Variants in CLXN observed in about 807,000 individuals in gnomAD.
CLXN encodes calaxin.
At chr8:48,728,494 T>C in the CLXN span, among the ~76,000 whole-genome samples, 5,662 of 152,218 alleles carry the variant, frequency 0.037, 339 homozygotes, top group African/African-American at 0.13. Context: ...TCTATGACTC[T>C]GGCACCAGGG....
the CLXN span, among the ~76,000 whole-genome samples, chr8:48,726,802 TCATC>T: frequency 2.1e-3 from 267 of 126,690 alleles, 1 homozygote; most frequent in African/African-American, 7.2e-3. Flanking sequence ...ACCCAGTTCA[TCATC>T]CATCCATCCA....
chr8:48,725,982 C>T, the CLXN span, among the ~76,000 whole-genome samples: 1 of 149,092 alleles, frequency 6.7e-6, no homozygotes, highest in East Asian at 2.0e-4. Context: ...TGAGACCCAC[C>T]CACCCACCTC....
At chr8:48,719,044 G>T in the CLXN span, among the ~76,000 whole-genome samples, 1 of 151,008 alleles carries the variant, frequency 6.6e-6, no homozygotes, top group Non-Finnish European at 1.5e-5. Context: ...ACAAACACCC[G>T]GTCAGACTAA....
At chr8:48,734,775 T>G in the CLXN span, 1 of 297,434 alleles carries the variant, frequency 3.4e-6, no homozygotes, top group South Asian at 1.1e-4. Context: ...GTTTTAGCAT[T>G]TATTTTACAC....
At chr8:48,720,665 C>T in the CLXN span, among the ~76,000 whole-genome samples, 3 of 152,180 alleles carry the variant, frequency 2.0e-5, no homozygotes, top group African/African-American at 4.8e-5. Flanking sequence ...TTGTCCTATT[C>T]CCTCAGAAGC....
chr8:48,734,026 A>AT, the CLXN span, among the ~76,000 whole-genome samples: 9 of 152,230 alleles, frequency 5.9e-5, no homozygotes, highest in East Asian at 1.9e-4. Context: ...AAATTACAGG[A>AT]TTTTTTTCCT....
the CLXN span, among the ~76,000 whole-genome samples, chr8:48,714,388 T>C: frequency 6.6e-6 from 1 of 152,210 alleles, no homozygotes; most frequent in Non-Finnish European, 1.5e-5. Flanking sequence ...AGGAGATGTG[T>C]TCTAGATATA....
At chr8:48,729,101 C>T in the CLXN span, 23 of 1,613,222 alleles carry the variant, frequency 1.4e-5, 1 homozygote, top group South Asian at 2.5e-4. Context: ...TCTCTCACAG[C>T]CAGTTCATAG....
chr8:48,714,535 G>T, the CLXN span, among the ~76,000 whole-genome samples: 3 of 152,130 alleles, frequency 2.0e-5, no homozygotes, highest in Non-Finnish European at 2.9e-5. Flanking sequence ...ATAAAAGAGG[G>T]TTATTCATAT....
the CLXN span, chr8:48,711,330 C>T: frequency 6.6e-6 from 1 of 152,116 alleles, no homozygotes; most frequent in Non-Finnish European, 1.5e-5. Context: ...CACCATTCTC[C>T]TCACAAGCAG....
the CLXN span, among the ~76,000 whole-genome samples, chr8:48,712,975 G>C: frequency 7.2e-6 from 1 of 139,266 alleles, no homozygotes; most frequent in African/African-American, 2.6e-5. Context: ...GGGCAACAGA[G>C]TGAGACTCCT....
the CLXN span, among the ~76,000 whole-genome samples, chr8:48,720,820 C>G: frequency 6.6e-6 from 1 of 152,152 alleles, no homozygotes; most frequent in Non-Finnish European, 1.5e-5. Flanking sequence ...AGGTGGGCAT[C>G]ATGGTCCTAC....
At chr8:48,715,574 A>G in the CLXN span, 1 of 152,330 alleles carries the variant, frequency 6.6e-6, no homozygotes, top group East Asian at 1.9e-4. Flanking sequence ...TTTGCCACTG[A>G]GGACCCCAGC....
the CLXN span, among the ~76,000 whole-genome samples, chr8:48,731,950 C>A: frequency 3.1e-3 from 476 of 152,210 alleles, 15 homozygotes; most frequent in Admixed American, 0.029. Flanking sequence ...GTTTAGCCTT[C>A]ATTAATTCAT....
the CLXN span, among the ~76,000 whole-genome samples, chr8:48,726,901 C>CTATCTATT: frequency 4.2e-4 from 63 of 149,672 alleles, no homozygotes; most frequent in South Asian, 6.5e-4. Context: ...ATCTATCTAT[C>CTATCTATT]TATCCACCCA....
the CLXN span, among the ~76,000 whole-genome samples, chr8:48,734,048 G>A: frequency 5.3e-5 from 8 of 152,140 alleles, no homozygotes; most frequent in East Asian, 5.8e-4. Context: ...AACATTTTAA[G>A]ATGCGTACAC....
At chr8:48,720,403 C>T in the CLXN span, among the ~76,000 whole-genome samples, 63 of 152,020 alleles carry the variant, frequency 4.1e-4, no homozygotes, top group Non-Finnish European at 6.6e-4. Context: ...GAATGCATTC[C>T]TGGGGGAAGG....
chr8:48,728,699 TTAAG>T, the CLXN span, among the ~76,000 whole-genome samples: 2 of 152,236 alleles, frequency 1.3e-5, no homozygotes, highest in Non-Finnish European at 2.9e-5. Flanking sequence ...ATACAAGTAA[TTAAG>T]TATCATTATA....
the CLXN span, chr8:48,715,716 AC>A: frequency 6.6e-6 from 1 of 152,004 alleles, no homozygotes; most frequent in Admixed American, 6.6e-5. Flanking sequence ...GAGCTGTCAC[AC>A]CCCAGCTGGT....
Sources: allele counts gnomAD v4.1 joint callset (sites outside exome capture counted in the v4.1 genomes callset), GRCh38; gene constraint gnomAD v4.1.1; transcripts MANE v1.5; gene names NCBI Gene and HGNC (gene_info 2026-07-23, HGNC 2026-07-21).